The following ATP8A1 variants were observed in gnomAD, a reference collection of about 807,000 sequenced individuals.
The protein encoded by ATP8A1 is ATPase phospholipid transporting 8A1.
In ATP8A1, 90 loss-of-function variants were observed where a neutral mutation model predicts 177.7. The ratio of observed to expected loss-of-function variants is 0.51; its 90% CI spans 0.43 to 0.60. ATP8A1 has a LOEUF of 0.60. ATP8A1 is among the 20% of genes least tolerant of loss of function. The pLI is 0.00. For missense variants in ATP8A1, 1,072 were observed against 1,392.8 expected, an observed-to-expected ratio of 0.77 and a Z score of 3.67; for synonymous variants, 493 against 485.9, an observed-to-expected ratio of 1.01 and a Z score of -0.19.
chr4:42,501,214 A>G (rs898821346), intron 24 of ATP8A1, among the ~76,000 whole-genome samples: 3 of 152,264 alleles, frequency 2.0e-5, no homozygotes, highest in African/African-American at 7.2e-5. Context: ...GTATTTTCTT[A>G]TAACAAAAAT....
At chr4:42,577,072 T>C (rs144862559) in intron 12 of ATP8A1, among the ~76,000 whole-genome samples, 74 of 152,340 alleles carry the variant, frequency 4.9e-4, no homozygotes, top group African/African-American at 1.7e-3. Context: ...TGTCAGATGT[T>C]ATAAAATCTC....
chr4:42,436,931 G>A (rs1400243982), intron 33 of ATP8A1, among the ~76,000 whole-genome samples: 4 of 152,214 alleles, frequency 2.6e-5, no homozygotes, highest in Non-Finnish European at 4.4e-5. Flanking sequence ...TATCACTAAT[G>A]TAGTTTATTA....
chr4:42,455,864 A>C (rs1438653381), intron 27 of ATP8A1, among the ~76,000 whole-genome samples: 1 of 152,210 alleles, frequency 6.6e-6, no homozygotes, highest in African/African-American at 2.4e-5. Flanking sequence ...AAAATGATAA[A>C]TAATCTTGTT....
At chr4:42,610,545 T>C (rs566379304) in intron 5 of ATP8A1, among the ~76,000 whole-genome samples, 14 of 147,364 alleles carry the variant, frequency 9.5e-5, no homozygotes, top group African/African-American at 3.5e-4. Context: ...TTAACCATCT[T>C]CCCAAATTTC....
Position 42,579,997 on chromosome 4 carries a change from T to C in ATP8A1, c.835-19A>G, listed in dbSNP as rs531367238. On this transcript the variant is annotated intron_variant, in intron 10 of 36. Transcript: ENST00000381668. ...TTGAATTCTGTAAAAAGAAACAAGATGAGTAATAAAAAATGTACACCAATG... is the reference window on the plus strand; with the variant it reads ...TTGAATTCTGTAAAAAGAAACAAGACGAGTAATAAAAAATGTACACCAATG... 7.2e-5 allele frequency: 112 copies of C among 1,565,026 alleles called. No homozygotes were observed. Among genetic ancestry groups the C allele is most frequent in the Non-Finnish European group, 9.5e-5 (110 of 1,152,252 alleles).
At chr4:42,488,542 C>T (rs1197841844) in intron 24 of ATP8A1, among the ~76,000 whole-genome samples, 1 of 152,196 alleles carries the variant, frequency 6.6e-6, no homozygotes, top group East Asian at 1.9e-4. Context: ...AGAGACATCT[C>T]TTTATAAAAC....
At chr4:42,422,757 G>T (rs1714130004) in intron 35 of ATP8A1, 50 bp downstream of exon 35, 2 of 1,443,458 alleles carry the variant, frequency 1.4e-6, no homozygotes, top group Admixed American at 1.7e-5. Context: ...ACTAGTACAA[G>T]ATAAATTTAA....
intron 22 of ATP8A1, 29 bp from the exon 23 acceptor site, chr4:42,507,183 T>C (rs770633228): frequency 1.9e-6 from 3 of 1,609,256 alleles, no homozygotes; most frequent in South Asian, 2.2e-5. Flanking sequence ...AGAAATGTTT[T>C]AAAAATCCGT....
intron 34 of ATP8A1, 89 bp from the exon 35 acceptor site, chr4:42,422,988 G>T: frequency 2.1e-6 from 2 of 948,602 alleles, no homozygotes; most frequent in African/African-American, 1.6e-5. Context: ...TCACGCGGTT[G>T]ATAAAGCACA....
intron 27 of ATP8A1, 126 bp from the exon 28 acceptor site, chr4:42,455,725 A>G: frequency 1.2e-6 from 1 of 810,936 alleles, no homozygotes; most frequent in East Asian, 2.7e-5. Flanking sequence ...GACTCTTTTG[A>G]AAATGACATT....
At chr4:42,623,508 G>A (rs1577722100) in intron 4 of ATP8A1, among the ~76,000 whole-genome samples, 2 of 152,190 alleles carry the variant, frequency 1.3e-5, no homozygotes, top group Non-Finnish European at 2.9e-5. Flanking sequence ...GGAATACTAT[G>A]CAGCCATAAA....
chr4:42,516,071 T>C (rs1725507035), intron 22 of ATP8A1, among the ~76,000 whole-genome samples: 2 of 152,234 alleles, frequency 1.3e-5, no homozygotes, highest in African/African-American at 2.4e-5. Context: ...CTCCAACTTC[T>C]GAATTAATTA....
At chr4:42,537,388 A>G (rs144914787) in intron 20 of ATP8A1, among the ~76,000 whole-genome samples, 60 of 152,154 alleles carry the variant, frequency 3.9e-4, no homozygotes, top group African/African-American at 1.3e-3. Context: ...CACCACTTTT[A>G]TTCAACATAA....
intron 33 of ATP8A1, among the ~76,000 whole-genome samples, chr4:42,427,060 G>A (rs1714710305): frequency 6.6e-6 from 1 of 152,032 alleles, no homozygotes; most frequent in Non-Finnish European, 1.5e-5. Context: ...GTTAACGCTG[G>A]GAACAACAAC....
chr4:42,444,632 A>C lies in ATP8A1; in HGVS notation c.2961T>G (p.Phe987Leu). Residue 987 changes from phenylalanine to leucine, a missense_variant and splice_region_variant, in exon 32 of 37, where the codon TTT (phenylalanine) becomes TTG (leucine). Around this residue, in one of 5 missense-constraint regions of ATP8A1, gnomAD observed 316 missense variants for 459.1 expected, o/e 0.69. Transcript: ENST00000381668. ...CTTTCAAACACACAGTTATCACCAC[A>C]AACTAAAACAGAAGGGGAAAATGTT... Reference protein sequence around the residue: ...YLLLGNFVYTFVVITVCLKAG... With the variant: ...YLLLGNFVYTLVVITVCLKAG... 6.2e-7 allele frequency: 1 copy of C among 1,613,832 alleles called. No homozygotes were observed. Among genetic ancestry groups the C allele is most frequent in the Non-Finnish European group, 8.5e-7 (1 of 1,179,808 alleles).
chr4:42,559,356 T>C (rs911023869), intron 15 of ATP8A1, among the ~76,000 whole-genome samples: 3 of 152,258 alleles, frequency 2.0e-5, no homozygotes, highest in Admixed American at 6.5e-5. Flanking sequence ...GCAAAGGATA[T>C]AAACACACAA....
chr4:42,582,922 T>G (rs920390263), intron 9 of ATP8A1, among the ~76,000 whole-genome samples: 1 of 152,130 alleles, frequency 6.6e-6, no homozygotes, highest in Admixed American at 6.5e-5. Context: ...TACATAAATT[T>G]TAATGGGTCA....
chr4:42,462,290 C>T (rs1024397410), intron 27 of ATP8A1, among the ~76,000 whole-genome samples: 2 of 152,248 alleles, frequency 1.3e-5, no homozygotes, highest in African/African-American at 2.4e-5. Flanking sequence ...CCTTCCATCA[C>T]AGGCCCAGAG....
chr4:42,432,593 T>C (rs1560317063), intron 33 of ATP8A1, among the ~76,000 whole-genome samples: 2 of 152,206 alleles, frequency 1.3e-5, no homozygotes, highest in African/African-American at 2.4e-5. Flanking sequence ...ATTATGGTAG[T>C]TGGGCATGGG....
Sources: allele counts gnomAD v4.1 joint callset (sites outside exome capture counted in the v4.1 genomes callset), GRCh38; gene constraint gnomAD v4.1.1; regional missense constraint gnomAD v4.1.1; transcripts MANE v1.5; gene names NCBI Gene and HGNC (gene_info 2026-07-23, HGNC 2026-07-21).